The following GUCY2C variants were observed in gnomAD, a reference collection of about 807,000 sequenced individuals.
The protein encoded by GUCY2C is guanylate cyclase 2C, also known as guanylyl cyclase C.
Under a neutral mutation model 131.1 loss-of-function variants are expected in GUCY2C, and 118 were observed. The observed-to-expected ratio is 0.90, with a 90% confidence interval of 0.78 to 1.05. The LOEUF is 1.05. Among genes scored for constraint, GUCY2C ranks in the 50% least tolerant of loss-of-function variants. The pLI, the probability that GUCY2C is intolerant of heterozygous loss-of-function variation, is 0.00. For missense variants in GUCY2C, 1,161 were observed against 1,304.4 expected, an observed-to-expected ratio of 0.89 and a Z score of 1.69; for synonymous variants, 452 against 457.8, an observed-to-expected ratio of 0.99 and a Z score of 0.16.
chr12:14,643,784 A>G, intron 16 of GUCY2C, 78 bp from the exon 17 acceptor site: 1 of 1,338,206 alleles, frequency 7.5e-7, no homozygotes. Flanking sequence ...AAAAAGTGAC[A>G]TTTGGAAACC....
intron 4 of GUCY2C, among the ~76,000 whole-genome samples, chr12:14,682,543 G>T (rs928545728): frequency 6.6e-6 from 1 of 152,162 alleles, no homozygotes; most frequent in African/African-American, 2.4e-5. Context: ...CTTTATAGCA[G>T]TATGAAAACA....
At chr12:14,641,008 A>G in intron 18 of GUCY2C, 74 bp downstream of exon 18, 1 of 1,361,384 alleles carries the variant, frequency 7.3e-7, no homozygotes, top group South Asian at 1.2e-5. Flanking sequence ...TTACAGACAG[A>G]TTAGGGTCTC....
intron 8 of GUCY2C, 191 bp downstream of exon 8, chr12:14,674,433 GA>G: frequency 1.5e-6 from 1 of 656,774 alleles, no homozygotes; most frequent in Non-Finnish European, 2.7e-6. Context: ...CTAAAAGACT[GA>G]AACATAAACC....
At chr12:14,680,707 G>A (rs1466010733) in intron 5 of GUCY2C, among the ~76,000 whole-genome samples, 3 of 152,162 alleles carry the variant, frequency 2.0e-5, no homozygotes, top group East Asian at 1.9e-4. Flanking sequence ...GGAACAGGTG[G>A]TGTTTGGTTA....
intron 20 of GUCY2C, among the ~76,000 whole-genome samples, chr12:14,628,041 C>G (rs1947060043): frequency 6.6e-6 from 1 of 152,150 alleles, no homozygotes. Context: ...TTGCCCAATG[C>G]CCCACAGCAA....
At chr12:14,656,777 G>A (rs960950141) in intron 11 of GUCY2C, among the ~76,000 whole-genome samples, 160 bp from the exon 12 acceptor site, 5 of 152,166 alleles carry the variant, frequency 3.3e-5, no homozygotes, top group African/African-American at 9.7e-5. Context: ...ACTGAAAAGC[G>A]CTTACTGCCA....
intron 2 of GUCY2C, among the ~76,000 whole-genome samples, chr12:14,687,428 T>C (rs994048523): frequency 1.3e-5 from 2 of 152,166 alleles, no homozygotes; most frequent in African/African-American, 4.8e-5. Flanking sequence ...GAGACCAGCC[T>C]GAGCAACGTG....
intron 9 of GUCY2C, among the ~76,000 whole-genome samples, chr12:14,670,330 C>T (rs1948080021): frequency 6.6e-6 from 1 of 152,160 alleles, no homozygotes; most frequent in South Asian, 2.1e-4. Flanking sequence ...TAACTTCTAT[C>T]CATTACTTAA....
At chr12:14,641,333 G>T in intron 17 of GUCY2C, 114 bp from the exon 18 acceptor site, 2 of 1,045,930 alleles carry the variant, frequency 1.9e-6, no homozygotes, top group African/African-American at 1.6e-5. Context: ...ATGGGTGATA[G>T]CTTATAAGTG....
chr12:14,642,287 C>T (rs75614160), intron 17 of GUCY2C, among the ~76,000 whole-genome samples: 5,721 of 152,232 alleles, frequency 0.038, 353 homozygotes, highest in African/African-American at 0.13. Context: ...TATAGATACT[C>T]GAGTTTTGAA....
intron 10 of GUCY2C, among the ~76,000 whole-genome samples, chr12:14,666,580 C>G (rs1015596044): frequency 6.6e-6 from 1 of 151,966 alleles, no homozygotes; most frequent in Non-Finnish European, 1.5e-5. Context: ...ACTAAAAATA[C>G]AAAAATTAGC....
intron 24 of GUCY2C, 95 bp downstream of exon 24, chr12:14,619,116 A>G (rs2136976683): frequency 1.5e-6 from 1 of 688,544 alleles, no homozygotes; most frequent in Non-Finnish European, 2.6e-6. Context: ...TCTCACTGGC[A>G]CTTTGTATCT....
intron 13 of GUCY2C, 46 bp from the exon 14 acceptor site, chr12:14,652,076 C>A (rs749970222): frequency 5.8e-6 from 6 of 1,027,266 alleles, no homozygotes; most frequent in Non-Finnish European, 9.2e-6. Context: ...TGGTGTAACT[C>A]TTTACATGCA....
Position 14,619,235 on chromosome 12 carries a change from A to C in GUCY2C, c.2851T>G (p.Ser951Ala), listed in dbSNP as rs1317766301. The change falls in exon 24 of 27, where the codon TCT becomes GCT. Residue 951 changes from serine (S) to alanine (A), a missense_variant. By Grantham distance (99) the Ser-to-Ala change is moderately conservative. Coordinates refer to ENST00000261170, the MANE Select transcript of GUCY2C (RefSeq NM_004963.4). ...CLFGDTVNTA[S>A]RMESTGLPLR... Reference sequence around the variant, plus strand: ...CGGAGGCCAGTGGATTCCATCCTAGAGGCTGTGTTGACCGTATCTCCAAAT... The same window carrying C: ...CGGAGGCCAGTGGATTCCATCCTAGCGGCTGTGTTGACCGTATCTCCAAAT... 6.2e-7 allele frequency: 1 copy of C among 1,609,176 alleles called. No homozygotes were observed. The highest frequency in any genetic ancestry group is 8.5e-7 in the Non-Finnish European group (1 of 1,175,626).
At chr12:14,636,570 G>A (rs545749872) in intron 19 of GUCY2C, among the ~76,000 whole-genome samples, 32 of 152,174 alleles carry the variant, frequency 2.1e-4, no homozygotes, top group African/African-American at 7.7e-4. Flanking sequence ...TTCCCTCTAA[G>A]AACTGGAACT....
Position 14,648,448 on chromosome 12 carries a change from A to G in GUCY2C, c.1710+2959T>C, listed in dbSNP as rs117702712. Among the ~76,000 whole-genome samples the G allele has an allele frequency of 6.0e-3, 915 of 152,184 alleles. 4 individuals carry two copies. Among genetic ancestry groups the G allele is most frequent in the Non-Finnish European group, 9.0e-3 (610 of 67,996 alleles). On this transcript the variant is annotated intron_variant, in intron 15 of 26. Coordinates refer to ENST00000261170, the MANE Select transcript of GUCY2C (RefSeq NM_004963.4). ...CAGAAAAGACTCTACAGAAACCTCA[A>G]CCTTCCACAAAGGCCATCACAACCT...
chr12:14,637,433 AC>A (rs1248497565), intron 19 of GUCY2C, among the ~76,000 whole-genome samples: 1 of 152,156 alleles, frequency 6.6e-6, no homozygotes, highest in East Asian at 1.9e-4. Context: ...AATGGAAAAA[AC>A]AATCCTAAAA....
chr12:14,665,202 C>T (rs1393794139), intron 10 of GUCY2C, among the ~76,000 whole-genome samples: 3 of 138,456 alleles, frequency 2.2e-5, no homozygotes, highest in African/African-American at 8.4e-5. Context: ...GGCAACACTG[C>T]GAGGCTCCGT....
intron 15 of GUCY2C, among the ~76,000 whole-genome samples, chr12:14,649,398 A>C (rs1439998771): frequency 1.3e-5 from 2 of 152,224 alleles, no homozygotes; most frequent in East Asian, 1.9e-4. Flanking sequence ...CTCATTATCT[A>C]TATAAAAACT....
Sources: gnomAD v4.1 joint callset for allele counts (sites outside exome capture counted in the v4.1 genomes callset) on GRCh38, gnomAD v4.1.1 for gene constraint, MANE v1.5 for transcripts, NCBI Gene and HGNC (gene_info 2026-07-23, HGNC 2026-07-21) for gene names.